The following ZNF207 variants were observed in gnomAD, a reference collection of about 807,000 sequenced individuals.
The protein encoded by ZNF207 is BUB3-interacting and GLEBS motif-containing protein ZNF207.
In ZNF207, 24 loss-of-function variants were observed where a neutral mutation model predicts 60.2. That is an observed-to-expected ratio of 0.40 (90% CI 0.29 to 0.56). The LOEUF is 0.56. Ranked by LOEUF, ZNF207 falls within the 20% of genes least tolerant of loss-of-function variation. The pLI, the probability that ZNF207 is intolerant of heterozygous loss-of-function variation, is 0.49. For synonymous variants in ZNF207, 236 were observed against 194.7 expected (o/e 1.21, Z -1.77); for missense variants, 452 against 636.6 (o/e 0.71, Z 3.12).
rs908046507 is a variant in ZNF207, at chr17:32,371,096, A to T, written c.*1337A>T. 1 of 152,186 alleles carries T rather than the reference A, an allele frequency of 6.6e-6. No individual in the cohort carries two copies. Among genetic ancestry groups the T allele is most frequent in the East Asian group, 1.9e-4 (1 of 5,202 alleles). The allele number at this position is 152,186 out of a possible 1,614,324, so 9.4% of individuals were successfully genotyped here. The stretch of plus-strand genomic sequence containing the variant: ...ATATTTTGTGTTGCAACCTCTTAAA[A>T]TAATAGCTCTTGTTGACCTTTTTGG... On this transcript the variant is annotated 3_prime_UTR_variant, in exon 12 of 12. Coordinates refer to ENST00000394670, the MANE Select transcript of ZNF207 (RefSeq NM_001098507.2).
chr17:32,361,012 T>C (rs1904850644), intron 5 of ZNF207, 45 bp downstream of exon 5: 4 of 1,586,896 alleles, frequency 2.5e-6, no homozygotes, highest in Non-Finnish European at 3.4e-6. Context: ...TGCCTAGTAA[T>C]GATCTTTTTC....
At position 32,369,922 on chromosome 17, in the gene ZNF207, T is replaced by G; in HGVS notation, c.*163T>G. 1.2e-6 allele frequency: 1 copy of G among 800,748 alleles called. No individual in the cohort carries two copies. The highest frequency in any genetic ancestry group is 1.7e-6 in the Non-Finnish European group (1 of 590,006). 49.6% of individuals were successfully genotyped at this position (800,748 alleles called of 1,614,324 possible). The stretch of plus-strand genomic sequence containing the variant: ...GACATTTATTTTACATGGGAAAAAT[T>G]ATTTGGAATAATAAAGCAGGAACTT... On this transcript the variant is annotated 3_prime_UTR_variant, in exon 12 of 12. Transcript: ENST00000394670.
At chr17:32,350,877 C>G (rs1397754849) in intron 1 of ZNF207, 3 of 140,604 alleles carry the variant, frequency 2.1e-5, no homozygotes, top group Non-Finnish European at 4.5e-5. Context: ...GGGAGGAGAA[C>G]TAGCTTCCGT....
chr17:32,350,275 A>G lies in ZNF207; in HGVS notation c.-11A>G, dbSNP rs779597279. The G allele has an allele frequency of 6.2e-6, 10 of 1,614,020 alleles. No homozygotes were observed. Among genetic ancestry groups the G allele is most frequent in the African/African-American group, 2.7e-5 (2 of 74,916 alleles). On this transcript the variant is annotated 5_prime_UTR_variant, in exon 1 of 12. Transcript: ENST00000394670. ...TTCTCCTCCCTTTTACTTTGCCGGTAGAACACAGTTATGGGTCGCAAGAAG... is the reference window on the plus strand; with the variant it reads ...TTCTCCTCCCTTTTACTTTGCCGGTGGAACACAGTTATGGGTCGCAAGAAG...
rs929244207 is a variant in ZNF207, at chr17:32,379,612, T to C, written c.*9853T>C. 8 of 152,196 alleles carry C rather than the reference T, an allele frequency of 5.3e-5. No individual in the cohort carries two copies. The highest frequency in any genetic ancestry group is 1.4e-4 in the African/African-American group (6 of 41,556). 9.4% of individuals were successfully genotyped at this position (152,196 alleles called of 1,614,324 possible). ...CTTCATTCTGTTCTTGTTGAAGCTG[T>C]TGTTGTGGTGATTCATGAGCAGTAA... On this transcript the variant is annotated 3_prime_UTR_variant, in exon 12 of 12. Transcript: ENST00000394670.
At chr17:32,357,339 A>ATTTTTTTTTTTTTTTTTTTTT (rs1405292203) in intron 2 of ZNF207, among the ~76,000 whole-genome samples, 1 of 81,932 alleles carries the variant, frequency 1.2e-5, no homozygotes, top group African/African-American at 6.2e-5. Context: ...TATTATTATT[A>ATTTTTTTTTTTTTTTTTTTTT]TTATTATTAT....
chr17:32,365,513 T>G (rs1905118649), intron 8 of ZNF207, 26 bp downstream of exon 8: 1 of 1,609,276 alleles, frequency 6.2e-7, no homozygotes, highest in Non-Finnish European at 8.5e-7. Context: ...TGAAAAGGAG[T>G]GCACTTATAT....
intron 3 of ZNF207, among the ~76,000 whole-genome samples, chr17:32,359,643 C>T (rs892205245): frequency 5.9e-5 from 9 of 151,976 alleles, no homozygotes; most frequent in African/African-American, 1.9e-4. Context: ...TGGCTCACAC[C>T]TGTAATCCCA....
chr17:32,361,056 C>G, intron 5 of ZNF207, 89 bp downstream of exon 5: 1 of 1,406,116 alleles, frequency 7.1e-7, no homozygotes, highest in Non-Finnish European at 9.8e-7. Context: ...ATGTTACTTT[C>G]CATTTTTTGC....
Position 32,377,739 on chromosome 17 carries a change from TA to T in ZNF207, c.*7982del, listed in dbSNP as rs1351435001. ...GATGTGTCCAAGAGATTTTCAATGT[TA>T]ATTAGCTCATTCTAAATAGCCAATA... On this transcript the variant is annotated 3_prime_UTR_variant, in exon 12 of 12. Coordinates refer to ENST00000394670, the MANE Select transcript of ZNF207 (RefSeq NM_001098507.2). 2 of 151,834 alleles carry T rather than the reference TA, an allele frequency of 1.3e-5. No individual in the cohort carries two copies. Among genetic ancestry groups the T allele is most frequent in the Non-Finnish European group, 3.0e-5 (2 of 67,792 alleles). The allele number at this position is 151,834 out of a possible 1,614,324, so 9.4% of individuals were successfully genotyped here. A position where few individuals can be genotyped will look rare whatever the true frequency, so the allele number is the denominator to read the frequency against.
chr17:32,361,398 A>G (rs1483263174), intron 5 of ZNF207, 70 bp from the exon 6 acceptor site: 8 of 1,362,052 alleles, frequency 5.9e-6, no homozygotes, highest in Non-Finnish European at 8.3e-6. Context: ...TGTGAGAGGT[A>G]TACAATACAC....
At chr17:32,351,642 A>G (rs1422889388) in intron 1 of ZNF207, 144 bp from the exon 2 acceptor site, 2 of 1,558,486 alleles carry the variant, frequency 1.3e-6, no homozygotes, top group East Asian at 2.4e-5. Flanking sequence ...GTAGTCCCTA[A>G]TTGTGTAATA....
chr17:32,363,115 A>G (rs557645665), intron 7 of ZNF207, 131 bp downstream of exon 7: 4 of 645,072 alleles, frequency 6.2e-6, no homozygotes, highest in Non-Finnish European at 1.0e-5. Flanking sequence ...GAGAAGTGTT[A>G]TATGGACCCT....
chr17:32,355,493 T>C (rs1329042175), intron 2 of ZNF207, among the ~76,000 whole-genome samples: 2 of 152,216 alleles, frequency 1.3e-5, no homozygotes, highest in Admixed American at 6.5e-5. Context: ...AGTGTAGGTA[T>C]GTTTGAGGTC....
intron 6 of ZNF207, among the ~76,000 whole-genome samples, chr17:32,362,131 A>T (rs950165352): frequency 6.9e-6 from 1 of 145,930 alleles, no homozygotes; most frequent in Non-Finnish European, 1.5e-5. Context: ...AAAAAAAAAA[A>T]GTGTGTGTGT....
intron 2 of ZNF207, 143 bp from the exon 3 acceptor site, chr17:32,358,360 A>C (rs1003960481): frequency 1.7e-6 from 1 of 601,230 alleles, no homozygotes; most frequent in Admixed American, 4.2e-5. Context: ...GCTTAATGTC[A>C]CAGAGCTAGT....
chr17:32,357,357 T>A (rs866349662), intron 2 of ZNF207, among the ~76,000 whole-genome samples: 32 of 133,164 alleles, frequency 2.4e-4, no homozygotes, highest in East Asian at 6.1e-4. Context: ...TATTATTTTT[T>A]TTTTTTTTTG....
intron 2 of ZNF207, among the ~76,000 whole-genome samples, chr17:32,357,309 CTAATTATTATTA>C (rs1234438466): frequency 2.2e-5 from 3 of 133,992 alleles, no homozygotes; most frequent in African/African-American, 5.9e-5. Context: ...ATTTGCTATT[CTAATTATTATTA>C]TTATTATTAT....
intron 2 of ZNF207, among the ~76,000 whole-genome samples, chr17:32,357,347 TATTA>T (rs199877726): frequency 0.039 from 2,733 of 69,364 alleles, 85 homozygotes; most frequent in South Asian, 0.094. Context: ...TTATTATTAT[TATTA>T]TTTTTTTTTT....
Sources: gnomAD v4.1 joint callset for allele counts (sites outside exome capture counted in the v4.1 genomes callset) on GRCh38, gnomAD v4.1.1 for gene constraint, MANE v1.5 for transcripts, NCBI Gene and HGNC (gene_info 2026-07-23, HGNC 2026-07-21) for gene names.